CNTNAP2: variants seen among roughly 807,000 people sequenced by gnomAD.
The protein encoded by CNTNAP2 is contactin associated protein 2.
CNTNAP2 carries 98 observed loss-of-function variants against 155.2 expected under a neutral mutation model. The observed-to-expected ratio is 0.63, with a 90% CI of 0.54 to 0.75. CNTNAP2 has a LOEUF of 0.75. CNTNAP2 is among the 30% of genes least tolerant of loss of function. CNTNAP2 has a pLI of 0.00. For synonymous variants in CNTNAP2, 651 were observed against 631.2 expected (o/e 1.03, Z -0.47); for missense variants, 1,727 against 1,688.1 (o/e 1.02, Z -0.40).
chr7:146,545,447 C>G (rs1798015123), intron 1 of CNTNAP2, among the ~76,000 whole-genome samples: 1 of 151,444 alleles, frequency 6.6e-6, no homozygotes, highest in Non-Finnish European at 1.5e-5. Context: ...ACCCATCAAC[C>G]CATCATCTAC....
intron 13 of CNTNAP2, among the ~76,000 whole-genome samples, chr7:147,871,292 A>G (rs1483664348): frequency 3.9e-5 from 6 of 152,230 alleles, no homozygotes; most frequent in African/African-American, 1.4e-4. Context: ...AAAGTCTTGC[A>G]AAAGTAGGCA....
At position 147,456,534 on chromosome 7, in the gene CNTNAP2, G is replaced by A. The variant is rs1797920945; in HGVS notation, c.1671-29401G>A. On this transcript the variant is annotated intron_variant, in intron 10 of 23. Transcript: ENST00000361727. The stretch of plus-strand genomic sequence containing the variant: ...TCAATTTTTTTTCTTTCATTGGAGA[G>A]GTGGGGCAAGTGTGATGTGTGCCTA... Among the ~76,000 whole-genome samples, 3 of 152,072 alleles carry A rather than the reference G, an allele frequency of 2.0e-5. No homozygotes were observed. In the South Asian group the frequency reaches 6.2e-4, roughly 32 times the overall value.
chr7:146,853,780 A>G (rs1794925824), intron 3 of CNTNAP2, among the ~76,000 whole-genome samples: 2 of 152,190 alleles, frequency 1.3e-5, no homozygotes, highest in South Asian at 4.1e-4. Context: ...CTCATCAGCT[A>G]GGAAAGTGCC....
intron 8 of CNTNAP2, among the ~76,000 whole-genome samples, chr7:147,229,502 T>C (rs934235289): frequency 3.3e-5 from 5 of 152,200 alleles, no homozygotes; most frequent in African/African-American, 1.2e-4. Flanking sequence ...ATACTATAAG[T>C]TACACAGTGT....
chr7:146,668,224 ATGAT>A (rs1356894235), intron 1 of CNTNAP2, among the ~76,000 whole-genome samples: 1 of 152,126 alleles, frequency 6.6e-6, no homozygotes, highest in African/African-American at 2.4e-5. Flanking sequence ...ATCTATCAAA[ATGAT>A]TGTATTTTTG....
chr7:147,824,977 G>A (rs541037365), intron 13 of CNTNAP2, among the ~76,000 whole-genome samples: 26 of 152,228 alleles, frequency 1.7e-4, no homozygotes, highest in South Asian at 4.1e-4. Flanking sequence ...TAATGGAAAG[G>A]AAATGAATTT....
At chr7:147,224,599 T>A (rs1000638445) in intron 8 of CNTNAP2, among the ~76,000 whole-genome samples, 1 of 152,224 alleles carries the variant, frequency 6.6e-6, no homozygotes, top group Non-Finnish European at 1.5e-5. Flanking sequence ...CAGAATATTA[T>A]TAAGAAACCT....
At chr7:146,735,697 A>C (rs1284356848) in intron 1 of CNTNAP2, among the ~76,000 whole-genome samples, 1 of 152,186 alleles carries the variant, frequency 6.6e-6, no homozygotes, top group African/African-American at 2.4e-5. Flanking sequence ...GTATGTGCAT[A>C]TATATACATA....
chr7:147,067,336 C>T (rs1046277425), intron 4 of CNTNAP2, among the ~76,000 whole-genome samples: 1 of 151,156 alleles, frequency 6.6e-6, no homozygotes, highest in African/African-American at 2.4e-5. Context: ...TTCATAAGGC[C>T]TCCACCCTCA....
intron 14 of CNTNAP2, among the ~76,000 whole-genome samples, chr7:147,956,902 A>G (rs1801024112): frequency 6.6e-6 from 1 of 152,174 alleles, no homozygotes; most frequent in Admixed American, 6.5e-5. Flanking sequence ...AAAGAAAGTG[A>G]TAGGGTTGTC....
At chr7:147,265,385 G>A (rs1804583833) in intron 8 of CNTNAP2, among the ~76,000 whole-genome samples, 1 of 152,062 alleles carries the variant, frequency 6.6e-6, no homozygotes, top group African/African-American at 2.4e-5. Context: ...CACCAGCTGT[G>A]GAAGATCGTG....
At chr7:147,109,392 A>G (rs1385071072) in intron 5 of CNTNAP2, among the ~76,000 whole-genome samples, 1 of 152,204 alleles carries the variant, frequency 6.6e-6, no homozygotes, top group Non-Finnish European at 1.5e-5. Context: ...TGCCATTTTC[A>G]GAAATAGAGA....
At chr7:146,668,237 T>C (rs1427672368) in intron 1 of CNTNAP2, among the ~76,000 whole-genome samples, 1 of 152,196 alleles carries the variant, frequency 6.6e-6, no homozygotes, top group Non-Finnish European at 1.5e-5. Context: ...ATTGTATTTT[T>C]GTCTTTAATT....
intron 11 of CNTNAP2, among the ~76,000 whole-genome samples, chr7:147,489,577 T>C (rs1252024639): frequency 1.3e-5 from 2 of 152,194 alleles, no homozygotes; most frequent in African/African-American, 2.4e-5. Flanking sequence ...GTTTATTGTA[T>C]TGACTTATCC....
chr7:147,581,281 A>G (rs1800494181), intron 12 of CNTNAP2, among the ~76,000 whole-genome samples: 1 of 152,232 alleles, frequency 6.6e-6, no homozygotes, highest in African/African-American at 2.4e-5. Flanking sequence ...TATATTTTTA[A>G]CAGATCTTTG....
intron 1 of CNTNAP2, among the ~76,000 whole-genome samples, chr7:146,434,398 T>C (rs750744297): frequency 2.6e-5 from 4 of 152,198 alleles, no homozygotes; most frequent in Admixed American, 6.5e-5. Flanking sequence ...GTCAGGGGAC[T>C]CTCTGGATCC....
chr7:146,118,145 G>A (rs980939351), intron 1 of CNTNAP2, among the ~76,000 whole-genome samples: 14 of 152,104 alleles, frequency 9.2e-5, no homozygotes, highest in African/African-American at 3.1e-4. Context: ...GACATTATAA[G>A]TTGTAATAAG....
intron 21 of CNTNAP2, among the ~76,000 whole-genome samples, chr7:148,331,568 G>GTCGA (rs1798013814): frequency 1.4e-4 from 1 of 6,952 alleles, no homozygotes; most frequent in African/African-American, 6.2e-4. Context: ...GACGGATGGA[G>GTCGA]TGGATGGATG....
chr7:147,131,122 C>T (rs1464576672), intron 7 of CNTNAP2, among the ~76,000 whole-genome samples: 1 of 147,726 alleles, frequency 6.8e-6, no homozygotes, highest in Non-Finnish European at 1.5e-5. Context: ...ATACCATATA[C>T]ATATATATAC....
Sources: gnomAD v4.1 joint callset for allele counts (sites outside exome capture counted in the v4.1 genomes callset) on GRCh38, gnomAD v4.1.1 for gene constraint, MANE v1.5 for transcripts, NCBI Gene and HGNC (gene_info 2026-07-23, HGNC 2026-07-21) for gene names.